Variants in TBCK observed in about 807,000 individuals in gnomAD.
TBCK encodes TBC domain-containing protein kinase-like protein.
Under a neutral mutation model 113.4 loss-of-function variants are expected in TBCK, and 99 were observed. The ratio of observed to expected loss-of-function variants is 0.87; its 90% CI spans 0.74 to 1.03. The LOEUF (loss-of-function observed/expected upper bound fraction) is 1.03. Ranked by LOEUF, TBCK falls within the 50% of genes least tolerant of loss-of-function variation. The pLI, the probability that TBCK is intolerant of heterozygous loss-of-function variation, is 0.00. For synonymous variants in TBCK, 369 were observed against 370.8 expected (o/e 1.00, Z 0.05); for missense variants, 1,045 against 1,061.3 (o/e 0.98, Z 0.21).
intron 19 of TBCK, among the ~76,000 whole-genome samples, chr4:106,222,460 A>G (rs1184284025): frequency 6.6e-6 from 1 of 152,142 alleles, no homozygotes; most frequent in Non-Finnish European, 1.5e-5. Flanking sequence ...AGCCCTACAT[A>G]TAGGTATCCT....
intron 25 of TBCK, among the ~76,000 whole-genome samples, chr4:106,062,905 A>C (rs1736208106): frequency 6.6e-6 from 1 of 151,930 alleles, no homozygotes; most frequent in African/African-American, 2.4e-5. Flanking sequence ...AAAAACCAAG[A>C]AAACCAATGT....
At chr4:106,208,216 C>A (rs1755744022) in intron 20 of TBCK, among the ~76,000 whole-genome samples, 1 of 152,120 alleles carries the variant, frequency 6.6e-6, no homozygotes, top group African/African-American at 2.4e-5. Flanking sequence ...CAGTGTAATC[C>A]AATCTTAAAC....
At chr4:106,073,757 C>T (rs565760317) in intron 25 of TBCK, among the ~76,000 whole-genome samples, 25 of 152,286 alleles carry the variant, frequency 1.6e-4, no homozygotes, top group Non-Finnish European at 3.2e-4. Flanking sequence ...CATTGAGCTG[C>T]GGTGGGCTCC....
chr4:106,152,108 C>T (rs764886270), intron 23 of TBCK, among the ~76,000 whole-genome samples: 29 of 151,764 alleles, frequency 1.9e-4, no homozygotes, highest in Non-Finnish European at 4.0e-4. Flanking sequence ...GCTAGTACTT[C>T]CAGTAGTGTG....
At chr4:106,186,280 C>T (rs530502375) in intron 22 of TBCK, among the ~76,000 whole-genome samples, 2 of 152,124 alleles carry the variant, frequency 1.3e-5, no homozygotes, top group Non-Finnish European at 2.9e-5. Context: ...AATGGAAGCT[C>T]TGTTTTAAGT....
chr4:106,185,467 A>G (rs1235714133), intron 22 of TBCK, among the ~76,000 whole-genome samples: 1 of 144,460 alleles, frequency 6.9e-6, no homozygotes, highest in East Asian at 1.9e-4. Context: ...CTCACTGAAC[A>G]ACAACTTCCC....
intron 20 of TBCK, among the ~76,000 whole-genome samples, chr4:106,195,296 T>C (rs1028527184): frequency 1.8e-4 from 27 of 152,148 alleles, no homozygotes; most frequent in Non-Finnish European, 2.2e-4. Flanking sequence ...GCAAAGATTA[T>C]TCACAGAATG....
At chr4:106,220,917 C>G (rs1220136077) in intron 19 of TBCK, among the ~76,000 whole-genome samples, 1 of 152,114 alleles carries the variant, frequency 6.6e-6, no homozygotes, top group Non-Finnish European at 1.5e-5. Flanking sequence ...TACAAGCATT[C>G]AACTATATAT....
Position 106,041,711 on chromosome 4 carries a change from G to A in TBCK, c.*4859C>T, listed in dbSNP as rs931886259. 1 of 152,100 alleles carries A rather than the reference G, an allele frequency of 6.6e-6. No individual in the cohort carries two copies. Among genetic ancestry groups the A allele is most frequent in the Non-Finnish European group, 1.5e-5 (1 of 68,006 alleles). The allele number at this position is 152,100 out of a possible 1,614,324, so 9.4% of individuals were successfully genotyped here. A position where few individuals can be genotyped will look rare whatever the true frequency, so the allele number is the denominator to read the frequency against. Reference sequence around the variant, plus strand: ...AGGTCCTCTGAAAGGAATGAGAAAGGATATTAAAGAATAACAACTTAAAAG... The same window carrying A: ...AGGTCCTCTGAAAGGAATGAGAAAGAATATTAAAGAATAACAACTTAAAAG... On this transcript the variant is annotated 3_prime_UTR_variant, in exon 26 of 26. Transcript: ENST00000394708.
chr4:106,297,502 A>T (rs1233056403), intron 2 of TBCK, among the ~76,000 whole-genome samples: 1 of 152,006 alleles, frequency 6.6e-6, no homozygotes, highest in Non-Finnish European at 1.5e-5. Context: ...GCATCATCTC[A>T]TTAGATAACT....
At chr4:106,237,759 G>A (rs1253162699) in intron 12 of TBCK, among the ~76,000 whole-genome samples, 1 of 151,720 alleles carries the variant, frequency 6.6e-6, no homozygotes, top group African/African-American at 2.4e-5. Context: ...AAACCTTTAG[G>A]TATATCTTTC....
At chr4:106,064,449 T>C (rs1454360937) in intron 25 of TBCK, among the ~76,000 whole-genome samples, 1 of 151,794 alleles carries the variant, frequency 6.6e-6, no homozygotes, top group African/African-American at 2.4e-5. Flanking sequence ...TGCAACTAGA[T>C]ATGTTTAGAT....
chr4:106,200,936 A>T (rs1754812744), intron 20 of TBCK, among the ~76,000 whole-genome samples: 1 of 152,124 alleles, frequency 6.6e-6, no homozygotes. Flanking sequence ...AAAATGAGTT[A>T]GTCCTTCCTT....
At chr4:106,165,975 C>T (rs1750323012) in intron 23 of TBCK, among the ~76,000 whole-genome samples, 1 of 151,676 alleles carries the variant, frequency 6.6e-6, no homozygotes, top group Non-Finnish European at 1.5e-5. Flanking sequence ...CTAATATCCA[C>T]TTTTAACCTT....
At chr4:106,187,557 C>T (rs958534293) in intron 22 of TBCK, among the ~76,000 whole-genome samples, 1 of 152,072 alleles carries the variant, frequency 6.6e-6, no homozygotes, top group African/African-American at 2.4e-5. Flanking sequence ...GCCAGAATTA[C>T]AGGCGCATGC....
In TBCK at chr4:106,042,794, A is replaced by G. The variant is rs1481834102; in HGVS notation, c.*3776T>C. ...ATTGTTTTCCTTTTAAAGTGCACTA[A>G]AGCCTGTTCTAAATCAGGAACTTAC... On this transcript the variant is annotated 3_prime_UTR_variant, in exon 26 of 26. Transcript: ENST00000394708. 6.6e-6 allele frequency: 1 copy of G among 152,170 alleles called. No homozygotes were observed. The allele number at this position is 152,170 out of a possible 1,614,324, so 9.4% of individuals were successfully genotyped here. A position where few individuals can be genotyped will look rare whatever the true frequency, so the allele number is the denominator to read the frequency against.
intron 3 of TBCK, among the ~76,000 whole-genome samples, chr4:106,279,057 AGACT>A (rs1176350120): frequency 6.6e-6 from 1 of 152,160 alleles, no homozygotes; most frequent in African/African-American, 2.4e-5. Context: ...ACAGGAAATT[AGACT>A]AGTTAATTTA....
chr4:106,049,664 T>G (rs1442737213), intron 25 of TBCK, among the ~76,000 whole-genome samples: 1 of 151,984 alleles, frequency 6.6e-6, no homozygotes, highest in Non-Finnish European at 1.5e-5. Flanking sequence ...GCAGGGCTTT[T>G]GACTGTATAC....
intron 2 of TBCK, among the ~76,000 whole-genome samples, chr4:106,298,891 T>C (rs549430912): frequency 2.0e-5 from 3 of 152,322 alleles, no homozygotes; most frequent in East Asian, 1.9e-4. Context: ...TTCTGACTGA[T>C]AAGAATCAGA....
Sources: allele counts gnomAD v4.1 joint callset (sites outside exome capture counted in the v4.1 genomes callset), GRCh38; gene constraint gnomAD v4.1.1; transcripts MANE v1.5; gene names NCBI Gene and HGNC (gene_info 2026-07-23, HGNC 2026-07-21).